SCN1A: variants seen among roughly 807,000 people sequenced by gnomAD.
SCN1A encodes sodium voltage-gated channel alpha subunit 1.
A neutral mutation model predicts 193.7 loss-of-function variants in SCN1A; 13 were observed. The observed-to-expected ratio is 0.07, with a 90% confidence interval of 0.04 to 0.11. The LOEUF is 0.11. SCN1A is among the 10% of genes least tolerant of loss of function. The pLI is 1.00. For missense variants in SCN1A, 1,432 were observed against 2,451.1 expected (o/e 0.58, Z 8.78); for synonymous variants, 781 against 843.6 (o/e 0.93, Z 1.29).
At chr2:166,052,718 TC>T in intron 8 of SCN1A, 133 bp downstream of exon 8, 1 of 808,498 alleles carries the variant, frequency 1.2e-6, no homozygotes. Context: ...AAAGCTTATG[TC>T]TAAACAATAA....
At position 165,988,479 on chromosome 2, in the gene SCN1A, A is replaced by T. The variant is rs1020683714; in HGVS notation, c.*2766T>A. 6.6e-6 allele frequency: 1 copy of T among 152,308 alleles called. No homozygotes were observed. The highest frequency in any genetic ancestry group is 2.1e-4 in the South Asian group (1 of 4,838). 9.4% of individuals were successfully genotyped at this position (152,308 alleles called of 1,614,324 possible). Reference sequence around the variant, plus strand: ...GCAGACCTGAAGGAGCAAGGGGAGGAGTGATTACCTGACCCCAGAGAAAGT... The same window carrying T: ...GCAGACCTGAAGGAGCAAGGGGAGGTGTGATTACCTGACCCCAGAGAAAGT... On this transcript the variant is annotated 3_prime_UTR_variant, in exon 29 of 29. Transcript: ENST00000674923.
intron 1 of SCN1A, among the ~76,000 whole-genome samples, chr2:166,148,357 A>G (rs1692405121): frequency 6.6e-6 from 1 of 152,184 alleles, no homozygotes; most frequent in Admixed American, 6.5e-5. Flanking sequence ...GGCAGGACAC[A>G]GTGTGAGAGT....
At chr2:166,102,841 A>G (rs1187745143) in intron 2 of SCN1A, among the ~76,000 whole-genome samples, 1 of 152,214 alleles carries the variant, frequency 6.6e-6, no homozygotes, top group East Asian at 1.9e-4. Context: ...AATGTGGTAC[A>G]TATATGCTAG....
intron 2 of SCN1A, among the ~76,000 whole-genome samples, chr2:166,124,508 C>T (rs1691012452): frequency 6.6e-6 from 1 of 152,174 alleles, no homozygotes; most frequent in Admixed American, 6.5e-5. Flanking sequence ...GAACGTGCCA[C>T]TGCACTGCAG....
At chr2:166,148,660 A>G (rs1692416913) in intron 1 of SCN1A, among the ~76,000 whole-genome samples, 1 of 152,158 alleles carries the variant, frequency 6.6e-6, no homozygotes, top group African/African-American at 2.4e-5. Context: ...TATATAACTC[A>G]CTTACAAGGG....
intron 2 of SCN1A, among the ~76,000 whole-genome samples, chr2:166,085,375 A>G (rs781062191): frequency 6.6e-6 from 1 of 152,234 alleles, no homozygotes; most frequent in African/African-American, 2.4e-5. Flanking sequence ...TGCTGCAGCC[A>G]GAAGGATGTT....
rs1690315042 is a variant in SCN1A at position 165,998,022 on chromosome 2, T to C, written c.4476+16A>G. On this transcript the variant is annotated intron_variant, in intron 26 of 28. Transcript: ENST00000674923. ...TTTTCTATCTCAGTGGGAGAGAAAA[T>C]ATTAGAAATACTTATCTTCTTTTTC... 6 of 1,587,580 alleles carry C rather than the reference T, an allele frequency of 3.8e-6. No homozygotes were observed. Among genetic ancestry groups the C allele is most frequent in the Non-Finnish European group, 5.2e-6 (6 of 1,158,634 alleles).
chr2:166,073,683 G>A lies in SCN1A; in HGVS notation c.-49-13C>T. On this transcript the variant is annotated splice_polypyrimidine_tract_variant and intron_variant, in intron 3 of 28. Transcript: ENST00000674923. The stretch of plus-strand genomic sequence containing the variant: ...GCATATGAAATTCCTAAAATAAAAG[G>A]AATACAGATATTTTAAAGAGTGGAC... 1.3e-6 allele frequency: 2 copies of A among 1,555,084 alleles called. No homozygotes were observed. The highest frequency in any genetic ancestry group is 8.8e-7 in the Non-Finnish European group (1 of 1,131,174).
At chr2:166,113,984 CTT>C (rs140940261) in intron 2 of SCN1A, among the ~76,000 whole-genome samples, 2,004 of 152,178 alleles carry the variant, frequency 0.013, 41 homozygotes, top group African/African-American at 0.046. Flanking sequence ...TAATAATTCT[CTT>C]TCTTAGATAA....
At chr2:166,126,195 AT>A (rs1691227487) in intron 2 of SCN1A, among the ~76,000 whole-genome samples, 1 of 152,180 alleles carries the variant, frequency 6.6e-6, no homozygotes. Flanking sequence ...CTGTCTACAC[AT>A]TATGTTCCTA....
intron 20 of SCN1A, among the ~76,000 whole-genome samples, chr2:166,015,082 G>T (rs938512756): frequency 6.6e-6 from 1 of 151,842 alleles, no homozygotes; most frequent in Non-Finnish European, 1.5e-5. Flanking sequence ...AATATTAGTT[G>T]TAGGAAAAAC....
intron 2 of SCN1A, among the ~76,000 whole-genome samples, chr2:166,115,708 G>A (rs1016808559): frequency 6.6e-6 from 1 of 152,090 alleles, no homozygotes; most frequent in Non-Finnish European, 1.5e-5. Context: ...AAATGTTTTT[G>A]TTTTGTTTCA....
At chr2:166,040,262 A>G (rs1697004653) in intron 16 of SCN1A, among the ~76,000 whole-genome samples, 2 of 151,964 alleles carry the variant, frequency 1.3e-5, no homozygotes, top group African/African-American at 2.4e-5. Context: ...ATACCAAACT[A>G]CCTTTTTGTC....
chr2:166,119,086 G>A (rs1690243263), intron 2 of SCN1A, among the ~76,000 whole-genome samples: 1 of 152,110 alleles, frequency 6.6e-6, no homozygotes, highest in Non-Finnish European at 1.5e-5. Flanking sequence ...CTGACAGGAG[G>A]CGGAGCTCAG....
intron 23 of SCN1A, among the ~76,000 whole-genome samples, chr2:166,008,883 T>C (rs535762325): frequency 1.3e-5 from 2 of 151,012 alleles, no homozygotes; most frequent in East Asian, 1.9e-4. Context: ...TTTTATATTA[T>C]ATATCTATAA....
intron 20 of SCN1A, among the ~76,000 whole-genome samples, chr2:166,014,943 G>A (rs1693076689): frequency 6.6e-6 from 1 of 151,718 alleles, no homozygotes; most frequent in Admixed American, 6.6e-5. Flanking sequence ...AGGACATTAA[G>A]TGATATGCAT....
chr2:166,103,021 G>GT (rs1688279652), intron 2 of SCN1A, among the ~76,000 whole-genome samples: 1 of 151,718 alleles, frequency 6.6e-6, no homozygotes, highest in South Asian at 2.1e-4. Context: ...AGAATAAATT[G>GT]TTTTTGAGCT....
Position 165,991,628 on chromosome 2 carries a change from C to T in SCN1A, c.5647G>A (p.Asp1883Asn). The T allele has an allele frequency of 1.9e-6, 3 of 1,613,856 alleles. No individual in the cohort carries two copies. Among genetic ancestry groups the T allele is most frequent in the Non-Finnish European group, 2.5e-6 (3 of 1,179,902 alleles). The change falls in exon 29 of 29, where the codon GAT becomes AAT. Residue 1883 changes from aspartate to asparagine, a missense_variant. Asp to Asn is a conservative substitution (Grantham distance 23). Transcript: ENST00000674923. ...TCTTCCATCTGTATTCGTAGAGCAT[C>T]CATCTCTCCACTCTCTCCTAGAACC... ...KRVLGESGEMDALRIQMEERF... is the reference protein window; with the variant it reads ...KRVLGESGEMNALRIQMEERF...
intron 23 of SCN1A, among the ~76,000 whole-genome samples, chr2:166,008,299 A>G (rs774188959): frequency 2.2e-4 from 33 of 151,260 alleles, no homozygotes; most frequent in Non-Finnish European, 3.6e-4. Flanking sequence ...TAAACTTTCA[A>G]ATGGTCAAAT....
Sources: gnomAD v4.1 joint callset for allele counts (sites outside exome capture counted in the v4.1 genomes callset) on GRCh38, gnomAD v4.1.1 for gene constraint, MANE v1.5 for transcripts, NCBI Gene and HGNC (gene_info 2026-07-23, HGNC 2026-07-21) for gene names.